The following RHBG variants were observed in gnomAD, a reference collection of about 807,000 sequenced individuals.
RHBG encodes the protein Rh family B glycoprotein.
In RHBG, 39 loss-of-function variants were observed where a neutral mutation model predicts 40.1. The ratio of observed to expected loss-of-function variants is 0.97; its 90% CI spans 0.75 to 1.27. RHBG has a LOEUF of 1.27. Among genes scored for constraint, RHBG ranks in the 50% most tolerant of loss-of-function variants. The pLI is 0.00. For synonymous variants in RHBG, 237 were observed against 252.5 expected (o/e 0.94, Z 0.58); for missense variants, 549 against 588.1 (o/e 0.93, Z 0.69).
chr1:156,384,564 A>AG lies in RHBG; in HGVS notation c.1273dup (p.Asp425GlyfsTer18). On this transcript the variant is annotated frameshift_variant, in exon 9 of 10. Transcript: ENST00000537040. LOFTEE classifies it high-confidence loss of function. ...AGCTACCCTTTCTGGACTCCCCCCC[A>AG]GACTCCCAGCACTACGAGGACCAAG... is the stretch of plus-strand genomic sequence containing the variant. 6.4e-7 allele frequency: 1 copy of AG among 1,561,114 alleles called. No individual in the cohort carries two copies. The highest frequency in any genetic ancestry group is 8.7e-7 in the Non-Finnish European group (1 of 1,146,896).
chr1:156,382,820 C>T lies in RHBG; in HGVS notation c.1185C>T (p.Phe395=), dbSNP rs369218158. 20 of 1,614,120 alleles carry T rather than the reference C, an allele frequency of 1.2e-5. No individual in the cohort carries two copies. Among genetic ancestry groups the T allele is most frequent in the African/African-American group, 2.7e-5 (2 of 74,938 alleles). ...CGTCACAGGCCATGCACCAGCTCTT[C>T]GGGCTGTTTGTCACACTGATGTTTG... is the stretch of plus-strand genomic sequence containing the variant. ...SATSQAMHQL[F]GLFVTLMFAS... is the part of the protein sequence containing the mutation. The change falls in exon 8 of 10, where the codon TTC becomes TTT. Residue 395 remains phenylalanine, a synonymous_variant. Transcript: ENST00000537040.
chr1:156,376,565 T>C (rs1253764494), intron 1 of RHBG, among the ~76,000 whole-genome samples: 4 of 152,162 alleles, frequency 2.6e-5, no homozygotes, highest in Non-Finnish European at 5.9e-5. Context: ...GGTTTCGCCA[T>C]GTTGGCCAGG....
rs143197948 is a variant in RHBG at position 156,381,140 on chromosome 1, G to C, written c.674-207G>C. ...TGGTCTCAAACTCCTGAGCTCAAGT[G>C]ATCTGCCTGCCTCGGCCTCCCAAAG... On this transcript the variant is annotated intron_variant, in intron 4 of 9. Coordinates refer to ENST00000537040, the MANE Select transcript of RHBG (RefSeq NM_020407.5). 4.0e-3 allele frequency among the ~76,000 whole-genome samples: 609 copies of C among 152,292 alleles called. 4 individuals are homozygous for C. The highest frequency in any genetic ancestry group is 0.014 in the African/African-American group (596 of 41,544).
chr1:156,381,667 G>A, intron 5 of RHBG, 139 bp from the exon 6 acceptor site: 1 of 1,384,100 alleles, frequency 7.2e-7, no homozygotes, highest in South Asian at 1.4e-5. Context: ...AGAATGGGAG[G>A]CGATATGGTA....
At chr1:156,381,570 G>A in intron 5 of RHBG, 57 bp downstream of exon 5, 2 of 1,532,326 alleles carry the variant, frequency 1.3e-6, no homozygotes, top group Non-Finnish European at 1.8e-6. Flanking sequence ...GGGGAGGAGA[G>A]GTCTGAGACC....
intron 1 of RHBG, among the ~76,000 whole-genome samples, chr1:156,373,410 A>T (rs892813685): frequency 2.8e-5 from 4 of 144,650 alleles, no homozygotes; most frequent in Non-Finnish European, 6.1e-5. Context: ...TGGGCAACAG[A>T]GCAAGAACTG....
Position 156,378,249 on chromosome 1 carries a change from C to T in RHBG, c.526-3C>T, listed in dbSNP as rs750186960. 3 of 1,613,630 alleles carry T rather than the reference C, an allele frequency of 1.9e-6. No homozygotes were observed. The African/African-American group carries it at 4.0e-5, about 22-fold the overall frequency. The stretch of plus-strand genomic sequence containing the variant: ...GGTGCTGCCTCTCACCCCACCTCCC[C>T]AGGTGAGAGATGCCGGAGGCTCCAT... On this transcript the variant is annotated splice_region_variant and splice_polypyrimidine_tract_variant and intron_variant, in intron 3 of 9. Transcript: ENST00000537040.
Position 156,378,056 on chromosome 1 carries a change from C to T in RHBG, c.441C>T (p.Thr147=), listed in dbSNP as rs374525466. 103 of 1,600,912 alleles carry T rather than the reference C, an allele frequency of 6.4e-5. No individual in the cohort carries two copies. Among genetic ancestry groups the T allele is most frequent in the Middle Eastern group, 3.3e-4 (2 of 6,010 alleles). Reference sequence around the variant, plus strand: ...CCTTTGGTGCCGTCCTGGGCAAGACCGGGCCTACCCAGCTGCTGCTCATGG... The same window carrying T: ...CCTTTGGTGCCGTCCTGGGCAAGACTGGGCCTACCCAGCTGCTGCTCATGG... ...LISFGAVLGK[T]GPTQLLLMAL... Residue 147 remains threonine, a synonymous_variant, in exon 3 of 10, where the codon ACC becomes ACT. Transcript: ENST00000537040.
At chr1:156,371,074 C>T in intron 1 of RHBG, 1 of 368,080 alleles carries the variant, frequency 2.7e-6, no homozygotes, top group South Asian at 2.0e-5. Flanking sequence ...AAAAAGGATG[C>T]CTCAGTTTAA....
At chr1:156,373,537 C>A (rs765154215) in intron 1 of RHBG, among the ~76,000 whole-genome samples, 1 of 152,170 alleles carries the variant, frequency 6.6e-6, no homozygotes, top group Non-Finnish European at 1.5e-5. Flanking sequence ...TGCCTTATTT[C>A]TTCCTCCACC....
At position 156,382,729 on chromosome 1, in the gene RHBG, C is replaced by T. The variant is rs1039551646; in HGVS notation, c.1113-19C>T. ...CTCTCTCCCTACCCCTGCCTTTCCTCTATCTGGTCTCCCTGCAGCCTGGAG... is the reference window on the plus strand; with the variant it reads ...CTCTCTCCCTACCCCTGCCTTTCCTTTATCTGGTCTCCCTGCAGCCTGGAG... On this transcript the variant is annotated intron_variant, in intron 7 of 9. Transcript: ENST00000537040. The T allele has an allele frequency of 1.2e-6, 2 of 1,613,740 alleles. No individual in the cohort carries two copies. Among genetic ancestry groups the T allele is most frequent in the Non-Finnish European group, 1.7e-6 (2 of 1,179,930 alleles).
At chr1:156,373,345 G>C (rs1382546540) in intron 1 of RHBG, among the ~76,000 whole-genome samples, 46 of 151,898 alleles carry the variant, frequency 3.0e-4, no homozygotes. Flanking sequence ...AAGATTGCTT[G>C]AGCCCAGGAG....
rs770644857 is a variant in RHBG, at chr1:156,381,339, C to T, written c.674-8C>T. 25 of 1,613,926 alleles carry T rather than the reference C, an allele frequency of 1.5e-5. No homozygotes were observed. The highest frequency in any genetic ancestry group is 1.9e-5 in the Non-Finnish European group (22 of 1,180,004). On this transcript the variant is annotated splice_region_variant and splice_polypyrimidine_tract_variant and intron_variant, in intron 4 of 9. Coordinates refer to ENST00000537040, the MANE Select transcript of RHBG (RefSeq NM_020407.5). Reference sequence around the variant, plus strand: ...TCTTCTCACTCTGCCTGTCTGTCCACCATCTAGGGACCATCTTCCTGTGGA... The same window carrying T: ...TCTTCTCACTCTGCCTGTCTGTCCATCATCTAGGGACCATCTTCCTGTGGA...
At position 156,384,782 on chromosome 1, in the gene RHBG, T is replaced by C; in HGVS notation, c.1314T>C (p.Pro438=). ...HYEDQVHWQV[P]GEHEDKAQRP... ...TACCCACTCCTGCCTTCCAGGTGCCTGGCGAGCATGAGGATAAAGCCCAGA... is the reference window on the plus strand; with the variant it reads ...TACCCACTCCTGCCTTCCAGGTGCCCGGCGAGCATGAGGATAAAGCCCAGA... The change falls in exon 10 of 10, where the codon CCT becomes CCC. Residue 438 remains proline, a synonymous_variant. Transcript: ENST00000537040. 6.2e-7 allele frequency: 1 copy of C among 1,614,044 alleles called. No homozygotes were observed. The highest frequency in any genetic ancestry group is 8.5e-7 in the Non-Finnish European group (1 of 1,179,956).
rs751504976 is a variant in RHBG, at chr1:156,378,303, G to A, written c.577G>A (p.Gly193Arg). ...MTIHTFGAYF[G>R]LVLSRVLYRP... ...TATCCACACCTTTGGTGCCTACTTC[G>A]GGCTCGTCCTTTCGCGGGTTCTGTA... Residue 193 changes from glycine (G) to arginine (R), a missense_variant, in exon 4 of 10, where the codon GGG becomes AGG. Transcript: ENST00000537040. 1.4e-5 allele frequency: 22 copies of A among 1,613,874 alleles called. No homozygotes were observed. Among genetic ancestry groups the A allele is most frequent in the East Asian group, 2.2e-5 (1 of 44,876 alleles).
chr1:156,378,450 C>T, intron 4 of RHBG, 51 bp downstream of exon 4: 2 of 1,530,900 alleles, frequency 1.3e-6, no homozygotes, highest in South Asian at 1.3e-5. Flanking sequence ...CTGGAGGCCT[C>T]ATCTGGGCCA....
At chr1:156,372,373 G>A (rs1666915028) in intron 1 of RHBG, among the ~76,000 whole-genome samples, 1 of 145,432 alleles carries the variant, frequency 6.9e-6, no homozygotes, top group Non-Finnish European at 1.5e-5. Context: ...CTTCCAGAAA[G>A]CAAGTGATGG....
chr1:156,377,222 A>T lies in RHBG; in HGVS notation c.188-79A>T. 1 of 1,465,698 alleles carries T rather than the reference A, an allele frequency of 6.8e-7. No homozygotes were observed. The highest frequency in any genetic ancestry group is 9.4e-7 in the Non-Finnish European group (1 of 1,062,216). The allele number at this position is 1,465,698 out of a possible 1,614,324, so 90.8% of individuals were successfully genotyped here. A position where few individuals can be genotyped will look rare whatever the true frequency, so the allele number is the denominator to read the frequency against. On this transcript the variant is annotated intron_variant, in intron 1 of 9. Coordinates refer to ENST00000537040, the MANE Select transcript of RHBG (RefSeq NM_020407.5). The surrounding 1 kb of genome is among the most constrained non-coding windows in gnomAD (Gnocchi z 4.6). ...GCCCTGGCTGGTGAGAGCCAGGGGC[A>T]CTGGCAGGGTAGCTGACTGGATTGT...
Position 156,382,211 on chromosome 1 carries a change from C to CT in RHBG, c.1112+11dup. ...AAGCTTACGGAGATGGGTGAGTTTCCTCCCAACCCGTACTGCAGTCGTCAT... is the reference window on the plus strand; with the variant it reads ...AAGCTTACGGAGATGGGTGAGTTTCCTTCCCAACCCGTACTGCAGTCGTCAT... On this transcript the variant is annotated intron_variant, in intron 7 of 9. Coordinates refer to ENST00000537040, the MANE Select transcript of RHBG (RefSeq NM_020407.5). 6.2e-7 allele frequency: 1 copy of CT among 1,614,126 alleles called. No homozygotes were observed. The highest frequency in any genetic ancestry group is 2.2e-5 in the East Asian group (1 of 44,874).
Sources: allele counts gnomAD v4.1 joint callset (sites outside exome capture counted in the v4.1 genomes callset), GRCh38; gene constraint gnomAD v4.1.1; non-coding constraint Gnocchi (gnomAD v3.1); transcripts MANE v1.5; gene names NCBI Gene and HGNC (gene_info 2026-07-23, HGNC 2026-07-21).